The following SPATA13 variants were observed in gnomAD, a reference collection of about 807,000 sequenced individuals.
The protein encoded by SPATA13 is spermatogenesis associated 13.
SPATA13 carries 50 observed loss-of-function variants against 104.0 expected under a neutral mutation model. The ratio of observed to expected loss-of-function variants is 0.48; its 90% confidence interval spans 0.38 to 0.61. SPATA13 has a LOEUF of 0.61. Ranked by LOEUF, SPATA13 falls within the 20% of genes least tolerant of loss-of-function variation. The probability of loss-of-function intolerance (pLI) is 0.00; values close to 1 mark genes in which losing one functional copy is unlikely to be tolerated. For missense variants in SPATA13, 1,524 were observed against 1,690.6 expected, an observed-to-expected ratio of 0.90 and a Z score of 1.73; for synonymous variants, 606 against 667.5, an observed-to-expected ratio of 0.91 and a Z score of 1.42.
intron 3 of SPATA13, among the ~76,000 whole-genome samples, chr13:24,138,499 A>C (rs73448972): frequency 0.035 from 5,324 of 152,274 alleles, 267 homozygotes; most frequent in African/African-American, 0.11. Flanking sequence ...GGTTTTATAA[A>C]ATACATTTCT....
chr13:24,237,045 A>G (rs563385601), intron 2 of SPATA13, among the ~76,000 whole-genome samples: 5 of 152,320 alleles, frequency 3.3e-5, no homozygotes, highest in Admixed American at 1.3e-4. Context: ...TATACTGCGG[A>G]ATATTATTTA....
At position 24,304,497 on chromosome 13, in the gene SPATA13, CAA is replaced by C. The variant is rs1322673452; in HGVS notation, c.*1725_*1726del. On this transcript the variant is annotated 3_prime_UTR_variant, in exon 13 of 13. Transcript: ENST00000382108. ...TAACAGGCCCATGTTTGAGAATAAA[CAA>C]GTCTGTGATGTCAGAGACAAAGGTG... The C allele has an allele frequency of 6.6e-6, 1 of 151,466 alleles. No homozygotes were observed. The highest frequency in any genetic ancestry group is 2.4e-5 in the African/African-American group (1 of 41,196). The allele number at this position is 151,466 out of a possible 1,614,324, so 9.4% of individuals were successfully genotyped here.
rs137944039 is a variant in SPATA13, at chr13:24,122,096, T to C, written c.-111-100723T>C. 189 of 1,611,102 alleles carry C rather than the reference T, an allele frequency of 1.2e-4. No individual in the cohort carries two copies. The African/African-American group carries it at 1.7e-3, about 15-fold the overall frequency. On this transcript the variant is annotated intron_variant, in intron 3 of 14. Transcript: ENST00000424834. ...CATCCCTGGTGCTGGGCCTCCAAAA[T>C]TGAAAGAACTTGGCACAACTGGAGC... is the stretch of plus-strand genomic sequence containing the variant.
chr13:24,074,881 G>A (rs1879277449), intron 3 of SPATA13, among the ~76,000 whole-genome samples: 2 of 152,216 alleles, frequency 1.3e-5, no homozygotes, highest in South Asian at 4.1e-4. Flanking sequence ...GGAAAGGGAA[G>A]TAAGGCACAG....
intron 3 of SPATA13, among the ~76,000 whole-genome samples, chr13:24,116,414 A>G (rs1414597926): frequency 1.3e-5 from 2 of 152,112 alleles, no homozygotes; most frequent in African/African-American, 2.4e-5. Flanking sequence ...GGGGACATAT[A>G]CATTGAGATC....
At chr13:24,202,417 G>A (rs770957579) in intron 1 of SPATA13, among the ~76,000 whole-genome samples, 3 of 151,978 alleles carry the variant, frequency 2.0e-5, no homozygotes, top group Non-Finnish European at 2.9e-5. Context: ...TGCAGGGAAC[G>A]GCCCGTTCCT....
chr13:24,279,578 A>C (rs982285551), intron 4 of SPATA13, among the ~76,000 whole-genome samples: 2 of 152,102 alleles, frequency 1.3e-5, no homozygotes, highest in African/African-American at 4.8e-5. Context: ...GAGGGGTAAG[A>C]GGTAGCCAGA....
chr13:24,164,190 T>C (rs574866597), intron 1 of SPATA13, among the ~76,000 whole-genome samples: 1 of 152,356 alleles, frequency 6.6e-6, no homozygotes, highest in African/African-American at 2.4e-5. Flanking sequence ...TGGTACAAAG[T>C]GCTTACCTGA....
intron 1 of SPATA13, among the ~76,000 whole-genome samples, chr13:23,982,730 T>C (rs1874959972): frequency 6.6e-6 from 1 of 152,212 alleles, no homozygotes; most frequent in Non-Finnish European, 1.5e-5. Flanking sequence ...TTTTTAAATA[T>C]GTGAGAAAAC....
At chr13:24,166,457 G>T (rs1245613330) in intron 1 of SPATA13, among the ~76,000 whole-genome samples, 4 of 152,150 alleles carry the variant, frequency 2.6e-5, no homozygotes, top group Non-Finnish European at 5.9e-5. Context: ...AGCCCTGGGG[G>T]ACGGCGTAAA....
At chr13:24,249,369 C>T in intron 2 of SPATA13, 108 bp from the exon 3 acceptor site, 3 of 1,353,538 alleles carry the variant, frequency 2.2e-6, no homozygotes, top group Non-Finnish European at 2.9e-6. Flanking sequence ...ACAAGTAAAT[C>T]AAGAAAACCC....
At chr13:24,026,061 C>G (rs1372189905) in intron 3 of SPATA13, among the ~76,000 whole-genome samples, 2 of 152,134 alleles carry the variant, frequency 1.3e-5, no homozygotes, top group East Asian at 3.8e-4. Flanking sequence ...CCTCGGCCTT[C>G]TAAATACCTT....
At chr13:24,135,218 G>A (rs1243517027) in intron 3 of SPATA13, among the ~76,000 whole-genome samples, 1 of 106,382 alleles carries the variant, frequency 9.4e-6, no homozygotes, top group Non-Finnish European at 2.1e-5. Flanking sequence ...CTCATTATTC[G>A]AAAAAAAAAA....
intron 7 of SPATA13, 69 bp from the exon 8 acceptor site, chr13:24,288,930 C>A: frequency 7.1e-7 from 1 of 1,406,228 alleles, no homozygotes; most frequent in Non-Finnish European, 9.6e-7. Context: ...TTTAGGCCTA[C>A]AAAAGCTGTA....
chr13:24,231,075 C>T (rs147959674), intron 2 of SPATA13, among the ~76,000 whole-genome samples: 61 of 152,296 alleles, frequency 4.0e-4, no homozygotes, highest in African/African-American at 1.4e-3. Context: ...GAAGGCTTCC[C>T]CACGCCTTTT....
chr13:24,301,195 T>C (rs1449620507), intron 12 of SPATA13, among the ~76,000 whole-genome samples: 1 of 152,226 alleles, frequency 6.6e-6, no homozygotes, highest in African/African-American at 2.4e-5. Flanking sequence ...AGAAACTTTA[T>C]TCCCGTCATC....
intron 1 of SPATA13, chr13:24,162,508 T>C (rs1882546825): frequency 6.4e-6 from 1 of 155,906 alleles, no homozygotes; most frequent in Non-Finnish European, 1.5e-5. Context: ...GCTGCATCTC[T>C]GCAGGAGGAC....
intron 1 of SPATA13, among the ~76,000 whole-genome samples, chr13:24,182,547 C>T (rs1411850623): frequency 6.6e-6 from 1 of 151,902 alleles, no homozygotes; most frequent in South Asian, 2.1e-4. Flanking sequence ...ACAGCCAGCT[C>T]GAAGTGAACT....
At chr13:24,032,042 G>C (rs1410136152) in intron 3 of SPATA13, among the ~76,000 whole-genome samples, 1 of 152,140 alleles carries the variant, frequency 6.6e-6, no homozygotes, top group Admixed American at 6.5e-5. Flanking sequence ...CAAAAATTCA[G>C]TTTTTGCAAG....
Sources: allele counts gnomAD v4.1 joint callset (sites outside exome capture counted in the v4.1 genomes callset), GRCh38; gene constraint gnomAD v4.1.1; transcripts MANE v1.5; gene names NCBI Gene and HGNC (gene_info 2026-07-23, HGNC 2026-07-21).